Variants in TOM1 observed in about 807,000 individuals in gnomAD.
TOM1 encodes target of Myb protein 1.
TOM1 carries 38 observed loss-of-function variants against 61.3 expected under a neutral mutation model. That is an observed-to-expected ratio of 0.62 (90% confidence interval 0.48 to 0.81). TOM1 has a LOEUF of 0.81. TOM1 is among the 40% of genes least tolerant of loss of function. The pLI is 0.00. For synonymous variants in TOM1, 270 were observed against 268.8 expected (o/e 1.00, Z -0.04); for missense variants, 591 against 659.6 (o/e 0.90, Z 1.14).
intron 13 of TOM1, 146 bp from the exon 14 acceptor site, chr22:35,346,784 T>C: frequency 1.4e-6 from 1 of 718,920 alleles, no homozygotes; most frequent in Non-Finnish European, 2.3e-6. Context: ...GTCCAGGTCC[T>C]GGGACCTGGG....
At chr22:35,344,185 ACT>A (rs951318899) in intron 12 of TOM1, 3 of 152,182 alleles carry the variant, frequency 2.0e-5, no homozygotes, top group East Asian at 1.9e-4. Flanking sequence ...CATCAGCGTG[ACT>A]CTCTCTCACC....
chr22:35,331,306 C>A lies in TOM1; in HGVS notation c.899+826C>A, dbSNP rs1228572920. 8.9e-6 allele frequency: 4 copies of A among 448,860 alleles called. No individual in the cohort carries two copies. In the East Asian group the frequency reaches 2.8e-4, roughly 32 times the overall value. 27.8% of individuals were successfully genotyped at this position (448,860 alleles called of 1,614,324 possible). On this transcript the variant is annotated intron_variant, in intron 8 of 14. Transcript: ENST00000449058. ...TTTTTCTTTTTGCAGAGACAGGGGT[C>A]TCACTGTGTTGCCCAGGCTAGTCTC...
chr22:35,317,835 C>T, intron 1 of TOM1, 42 bp from the exon 2 acceptor site: 1 of 1,531,106 alleles, frequency 6.5e-7, no homozygotes, highest in Middle Eastern at 1.7e-4. Context: ...TTTACCCATT[C>T]AGGACCCCCT....
In TOM1 at chr22:35,338,745, GCCTGGCTGGAGCCCTGGACGC is replaced by G. The variant is rs1929608625; in HGVS notation, c.1184_1204del (p.Leu395_Ala401del). On this transcript the variant is annotated inframe_deletion, in exon 12 of 15. Coordinates refer to ENST00000449058, the MANE Select transcript of TOM1 (RefSeq NM_005488.3). ...TACGAAGCCCCCCAAGCAACAGACGGCCTGGCTGGAGCCCTGGACGCCCGGCAGCAGAGCACTGGCGCGGTA... is the reference window on the plus strand; with the variant it reads ...TACGAAGCCCCCCAAGCAACAGACGGCCGGCAGCAGAGCACTGGCGCGGTA... 16 of 1,600,078 alleles carry G rather than the reference GCCTGGCTGGAGCCCTGGACGC, an allele frequency of 1.0e-5. No homozygotes were observed. The highest frequency in any genetic ancestry group is 1.3e-5 in the African/African-American group (1 of 74,628).
At chr22:35,342,658 C>T (rs1054289155) in intron 12 of TOM1, among the ~76,000 whole-genome samples, 1 of 151,770 alleles carries the variant, frequency 6.6e-6, no homozygotes, top group African/African-American at 2.4e-5. Flanking sequence ...GCTCACCCCC[C>T]GGTGGGTACC....
chr22:35,346,689 G>A (rs925483452), intron 13 of TOM1, among the ~76,000 whole-genome samples: 13 of 151,886 alleles, frequency 8.6e-5, no homozygotes, highest in Admixed American at 2.0e-4. Flanking sequence ...CCCCCACCCC[G>A]CCCCCATTTT....
chr22:35,300,986 C>A (rs967105472), intron 1 of TOM1, among the ~76,000 whole-genome samples: 4 of 148,860 alleles, frequency 2.7e-5, no homozygotes, highest in Admixed American at 2.0e-4. Context: ...CCAAGGCGGG[C>A]AGATCGCTTG....
At chr22:35,335,569 G>A (rs1418941627) in intron 11 of TOM1, 1 of 153,280 alleles carries the variant, frequency 6.5e-6, no homozygotes, top group African/African-American at 2.4e-5. Flanking sequence ...CATCCACAGA[G>A]GCCCCAGCAG....
At chr22:35,322,337 G>C (rs1234343327) in intron 3 of TOM1, 9 of 363,390 alleles carry the variant, frequency 2.5e-5, no homozygotes, top group Non-Finnish European at 4.5e-5. Flanking sequence ...GTAAACCCAG[G>C]CCTCCGCGGG....
intron 12 of TOM1, among the ~76,000 whole-genome samples, chr22:35,343,741 C>CTACACACACACCACATGCATCTACACA (rs1930224531): frequency 6.8e-6 from 1 of 146,554 alleles, no homozygotes; most frequent in Non-Finnish European, 1.5e-5. Flanking sequence ...CCCACCACAC[C>CTACACACACACCACATGCATCTACACA]TACACACACA....
At chr22:35,299,725 G>A (rs951281026), upstream of TOM1, 17 of 608,284 alleles carry the variant, frequency 2.8e-5, no homozygotes, top group Admixed American at 4.6e-4. Context: ...CGCCGCCGCC[G>A]AGCAAGCCGC....
chr22:35,312,290 C>G (rs1370450421), intron 1 of TOM1, among the ~76,000 whole-genome samples: 5 of 151,638 alleles, frequency 3.3e-5, no homozygotes, highest in Non-Finnish European at 7.4e-5. Context: ...TCAGCTGACT[C>G]ATTCCTCCTC....
chr22:35,338,851 C>A, intron 12 of TOM1, 63 bp downstream of exon 12: 1 of 1,442,848 alleles, frequency 6.9e-7, no homozygotes, highest in Non-Finnish European at 9.2e-7. Context: ...GAATGCTCAC[C>A]CACTGGGTGC....
At chr22:35,337,884 C>T (rs142648744) in intron 11 of TOM1, among the ~76,000 whole-genome samples, 1 of 152,364 alleles carries the variant, frequency 6.6e-6, no homozygotes, top group Non-Finnish European at 1.5e-5. Flanking sequence ...TCTTTCCCTG[C>T]AACAGGGCTG....
intron 12 of TOM1, chr22:35,344,824 C>G (rs1930367502): frequency 6.6e-6 from 1 of 152,430 alleles, no homozygotes; most frequent in Non-Finnish European, 1.5e-5. Context: ...CATGCCAGGC[C>G]CTGTGCTAAG....
intron 12 of TOM1, among the ~76,000 whole-genome samples, chr22:35,342,991 C>T (rs907129395): frequency 2.9e-5 from 4 of 136,154 alleles, no homozygotes; most frequent in African/African-American, 1.1e-4. Flanking sequence ...CATACACCTA[C>T]ACACCCCCAC....
intron 1 of TOM1, among the ~76,000 whole-genome samples, chr22:35,315,707 T>C (rs751762217): frequency 7.9e-5 from 12 of 152,212 alleles, no homozygotes; most frequent in Non-Finnish European, 1.8e-4. Context: ...GAACTGAAGT[T>C]GGGCCAATTG....
chr22:35,311,288 T>C (rs1926796576), intron 1 of TOM1, among the ~76,000 whole-genome samples: 1 of 152,122 alleles, frequency 6.6e-6, no homozygotes, highest in Admixed American at 6.5e-5. Flanking sequence ...AAGAGGAATA[T>C]TAATCACGAA....
At chr22:35,339,936 C>T (rs564745885) in intron 12 of TOM1, among the ~76,000 whole-genome samples, 6 of 151,502 alleles carry the variant, frequency 4.0e-5, no homozygotes, top group African/African-American at 1.5e-4. Context: ...CCTAAAGCAG[C>T]GGGGAGAAAT....
Sources: allele counts gnomAD v4.1 joint callset (sites outside exome capture counted in the v4.1 genomes callset), GRCh38; gene constraint gnomAD v4.1.1; transcripts MANE v1.5; gene names NCBI Gene and HGNC (gene_info 2026-07-23, HGNC 2026-07-21).